The following CPSF7 variants were observed in gnomAD, a reference collection of about 807,000 sequenced individuals.
CPSF7 encodes the protein cleavage and polyadenylation specificity factor subunit 7.
Under a neutral mutation model 44.3 loss-of-function variants are expected in CPSF7, and 1 was observed. The observed-to-expected ratio is 0.02, with a 90% CI of 0.01 to 0.11. The LOEUF is 0.11. CPSF7 is among the 10% of genes least tolerant of loss of function. The probability of loss-of-function intolerance (pLI) is 1.00; values close to 1 mark genes in which losing one functional copy is unlikely to be tolerated. For missense variants in CPSF7, 443 were observed against 607.2 expected (o/e 0.73, Z 2.84); for synonymous variants, 202 against 222.0 (o/e 0.91, Z 0.80).
At chr11:61,414,266 C>T (rs928100890) in intron 7 of CPSF7, among the ~76,000 whole-genome samples, 11 of 150,538 alleles carry the variant, frequency 7.3e-5, no homozygotes, top group African/African-American at 2.4e-4. Context: ...TCTCAATTCT[C>T]GTGCCTCAGC....
chr11:61,426,273 C>G (rs745499305), intron 2 of CPSF7, among the ~76,000 whole-genome samples: 1 of 152,222 alleles, frequency 6.6e-6, no homozygotes, highest in Non-Finnish European at 1.5e-5. Flanking sequence ...ACAATTTGTA[C>G]TGGGTGCCTT....
chr11:61,423,607 C>T (rs1039999266), intron 2 of CPSF7, among the ~76,000 whole-genome samples: 1 of 152,142 alleles, frequency 6.6e-6, no homozygotes, highest in Non-Finnish European at 1.5e-5. Flanking sequence ...AAGGATGCTA[C>T]GGCAGTTTCA....
At chr11:61,428,562 T>A (rs1286674446) in intron 2 of CPSF7, among the ~76,000 whole-genome samples, 1 of 152,232 alleles carries the variant, frequency 6.6e-6, no homozygotes, top group Non-Finnish European at 1.5e-5. Context: ...GGGTCTATTA[T>A]CAGTTTTCTA....
intron 5 of CPSF7, 69 bp from the exon 6 acceptor site, chr11:61,416,588 T>C: frequency 1.4e-6 from 2 of 1,433,494 alleles, no homozygotes; most frequent in South Asian, 1.2e-5. Context: ...AGTTCATCCT[T>C]CAGAAGTTAT....
At chr11:61,427,769 T>A (rs1432741861) in intron 2 of CPSF7, among the ~76,000 whole-genome samples, 1 of 152,120 alleles carries the variant, frequency 6.6e-6, no homozygotes, top group African/African-American at 2.4e-5. Context: ...AAAGTATAAT[T>A]GGTGAAGCTG....
At chr11:61,422,534 C>A (rs896632260) in intron 2 of CPSF7, among the ~76,000 whole-genome samples, 2 of 152,002 alleles carry the variant, frequency 1.3e-5, no homozygotes, top group African/African-American at 2.4e-5. Context: ...CCAGGCTAGT[C>A]TGGAACTCCT....
At chr11:61,416,583 A>T in intron 5 of CPSF7, 64 bp from the exon 6 acceptor site, 1 of 1,527,736 alleles carries the variant, frequency 6.5e-7, no homozygotes, top group Non-Finnish European at 9.1e-7. Flanking sequence ...GGACCAGTTC[A>T]TCCTTCAGAA....
chr11:61,426,235 C>T (rs578142200), intron 2 of CPSF7, among the ~76,000 whole-genome samples: 1 of 152,226 alleles, frequency 6.6e-6, no homozygotes, highest in East Asian at 1.9e-4. Context: ...GGGGCGAAAT[C>T]AGTAACATTC....
intron 9 of CPSF7, among the ~76,000 whole-genome samples, 155 bp from the exon 10 acceptor site, chr11:61,404,859 G>T (rs1217359629): frequency 6.6e-6 from 1 of 152,166 alleles, no homozygotes; most frequent in African/African-American, 2.4e-5. Flanking sequence ...AACAAAGCAG[G>T]ACTGTCTGAC....
chr11:61,406,911 G>A (rs1859386534), intron 9 of CPSF7, among the ~76,000 whole-genome samples: 1 of 152,072 alleles, frequency 6.6e-6, no homozygotes, highest in Admixed American at 6.6e-5. Flanking sequence ...CCAAGTAGCT[G>A]GGACTACAGG....
chr11:61,421,128 C>T (rs1477525757), intron 3 of CPSF7: 1 of 1,422,464 alleles, frequency 7.0e-7, no homozygotes, highest in Admixed American at 2.1e-5. Flanking sequence ...TCAGATGACC[C>T]TGCTAGACAT....
chr11:61,408,384 G>A (rs1859527676), intron 9 of CPSF7, among the ~76,000 whole-genome samples: 1 of 152,118 alleles, frequency 6.6e-6, no homozygotes, highest in Non-Finnish European at 1.5e-5. Context: ...TGGGATTTCA[G>A]GTGTGAGCCA....
intron 9 of CPSF7, chr11:61,405,814 G>C (rs143238014): frequency 5.3e-5 from 8 of 152,240 alleles, no homozygotes; most frequent in Middle Eastern, 6.8e-3. Context: ...TTCAGCTTGG[G>C]TCCTCAGAAT....
intron 2 of CPSF7, among the ~76,000 whole-genome samples, chr11:61,423,861 T>A (rs2135389110): frequency 6.6e-6 from 1 of 152,344 alleles, no homozygotes; most frequent in South Asian, 2.1e-4. Context: ...AGTTTTTCAG[T>A]TTATCTGAAG....
intron 4 of CPSF7, 85 bp from the exon 5 acceptor site, chr11:61,420,179 A>G (rs1483058407): frequency 4.3e-6 from 5 of 1,163,664 alleles, no homozygotes; most frequent in South Asian, 1.5e-5. Flanking sequence ...TTTAGTAAAA[A>G]TTGATAAAGC....
At chr11:61,409,183 C>T (rs753362534) in intron 9 of CPSF7, among the ~76,000 whole-genome samples, 16 of 150,720 alleles carry the variant, frequency 1.1e-4, no homozygotes, top group Admixed American at 3.3e-4. Flanking sequence ...CAAAACAAAA[C>T]AAAAAAACAG....
chr11:61,428,922 CCACAGGTTGATT>C, intron 2 of CPSF7: 1 of 268,878 alleles, frequency 3.7e-6, no homozygotes, highest in Non-Finnish European at 7.1e-6. Context: ...GGAGTAAATT[CCACAGGTTGATT>C]CACCATTCTA....
chr11:61,418,862 G>GC (rs1860589590), intron 5 of CPSF7, among the ~76,000 whole-genome samples: 1 of 152,026 alleles, frequency 6.6e-6, no homozygotes, highest in African/African-American at 2.4e-5. Context: ...GAGATTATAA[G>GC]CATGTGCCAC....
At chr11:61,414,473 T>C (rs1436921108) in intron 7 of CPSF7, among the ~76,000 whole-genome samples, 1 of 152,158 alleles carries the variant, frequency 6.6e-6, no homozygotes, top group Non-Finnish European at 1.5e-5. Context: ...TAGATGTCAA[T>C]GTAGATTTTT....
Sources: allele counts gnomAD v4.1 joint callset (sites outside exome capture counted in the v4.1 genomes callset), GRCh38; gene constraint gnomAD v4.1.1; transcripts MANE v1.5; gene names NCBI Gene and HGNC (gene_info 2026-07-23, HGNC 2026-07-21).